CADM1: variants seen among roughly 807,000 people sequenced by gnomAD.
The protein encoded by CADM1 is cell adhesion molecule 1.
Under a neutral mutation model 53.1 loss-of-function variants are expected in CADM1, and 15 were observed. The observed-to-expected ratio is 0.28, with a 90% CI of 0.19 to 0.44. The LOEUF (loss-of-function observed/expected upper bound fraction) is 0.44. Among genes scored for constraint, CADM1 ranks in the 20% least tolerant of loss-of-function variants. CADM1 has a pLI of 1.00. For missense variants in CADM1, 434 were observed against 611.3 expected (o/e 0.71, Z 3.06); for synonymous variants, 281 against 243.0 (o/e 1.16, Z -1.45).
At chr11:115,365,188 A>G (rs1946126559) in intron 1 of CADM1, among the ~76,000 whole-genome samples, 1 of 152,222 alleles carries the variant, frequency 6.6e-6, no homozygotes, top group African/African-American at 2.4e-5. Context: ...CTCCAACTGT[A>G]TGAATTAAAT....
chr11:115,479,599 C>G (rs899095666), intron 1 of CADM1, among the ~76,000 whole-genome samples: 1 of 152,092 alleles, frequency 6.6e-6, no homozygotes. Flanking sequence ...AAACAAAATA[C>G]TTGCTGAGAA....
chr11:115,214,899 A>G (rs1941113162), intron 6 of CADM1, 119 bp from the exon 7 acceptor site: 4 of 1,072,464 alleles, frequency 3.7e-6, no homozygotes, highest in African/African-American at 1.6e-5. Flanking sequence ...TTAAGTTCAC[A>G]GAATTACAAC....
At chr11:115,465,168 C>T (rs772366685) in intron 1 of CADM1, among the ~76,000 whole-genome samples, 1 of 152,114 alleles carries the variant, frequency 6.6e-6, no homozygotes, top group Non-Finnish European at 1.5e-5. Flanking sequence ...ATAATTAGAG[C>T]CGTTGATCTC....
At chr11:115,353,877 T>C (rs1468266124) in intron 1 of CADM1, among the ~76,000 whole-genome samples, 1 of 152,126 alleles carries the variant, frequency 6.6e-6, no homozygotes, top group Non-Finnish European at 1.5e-5. Flanking sequence ...ACTAGGAGTA[T>C]TCAATTTGTA....
chr11:115,419,835 G>A (rs1947709127), intron 1 of CADM1, among the ~76,000 whole-genome samples: 1 of 152,144 alleles, frequency 6.6e-6, no homozygotes, highest in Admixed American at 6.6e-5. Context: ...CCTTTCTACA[G>A]AAATTAATCA....
chr11:115,463,931 AAATT>A (rs1948845225), intron 1 of CADM1, among the ~76,000 whole-genome samples: 1 of 152,042 alleles, frequency 6.6e-6, no homozygotes, highest in South Asian at 2.1e-4. Context: ...TGCCAGGTGC[AAATT>A]AATTTTTCTC....
chr11:115,354,381 C>T (rs768315231), intron 1 of CADM1, among the ~76,000 whole-genome samples: 3 of 152,140 alleles, frequency 2.0e-5, no homozygotes, highest in African/African-American at 7.2e-5. Flanking sequence ...AGCCTAGATC[C>T]GTCTGCAACA....
intron 1 of CADM1, among the ~76,000 whole-genome samples, chr11:115,462,316 A>C (rs1190368726): frequency 6.6e-6 from 1 of 152,220 alleles, no homozygotes; most frequent in Non-Finnish European, 1.5e-5. Context: ...GCAGCCCAGG[A>C]AGAGGCGAGA....
At chr11:115,228,170 G>A (rs549585704) in intron 5 of CADM1, among the ~76,000 whole-genome samples, 28 of 152,290 alleles carry the variant, frequency 1.8e-4, no homozygotes, top group African/African-American at 6.7e-4. Flanking sequence ...ATCAATGAAC[G>A]ATCCATCCCT....
chr11:115,250,120 G>C (rs947359892), intron 1 of CADM1, among the ~76,000 whole-genome samples: 14 of 152,102 alleles, frequency 9.2e-5, no homozygotes, highest in African/African-American at 3.4e-4. Context: ...AGCCAGGATG[G>C]TCTCGATCTC....
intron 1 of CADM1, among the ~76,000 whole-genome samples, chr11:115,406,106 A>G (rs1201521364): frequency 6.6e-6 from 1 of 152,120 alleles, no homozygotes; most frequent in Non-Finnish European, 1.5e-5. Context: ...TCTCATGGGG[A>G]TATTTCTTTT....
At chr11:115,365,425 T>A (rs1946131894) in intron 1 of CADM1, among the ~76,000 whole-genome samples, 1 of 152,132 alleles carries the variant, frequency 6.6e-6, no homozygotes, top group Non-Finnish European at 1.5e-5. Context: ...ATCTTTAAAT[T>A]ACCATGCCAA....
intron 1 of CADM1, among the ~76,000 whole-genome samples, chr11:115,442,946 C>G (rs1591245241): frequency 6.6e-6 from 1 of 152,180 alleles, no homozygotes; most frequent in South Asian, 2.1e-4. Context: ...ATTCTAATGG[C>G]AACAGTACCA....
chr11:115,264,811 A>G (rs1439166790), intron 1 of CADM1, among the ~76,000 whole-genome samples: 2 of 152,222 alleles, frequency 1.3e-5, no homozygotes, highest in East Asian at 1.9e-4. Flanking sequence ...AACAGCAGCT[A>G]TCATATGACA....
chr11:115,500,209 T>G (rs1219510468), intron 1 of CADM1, among the ~76,000 whole-genome samples: 1 of 152,242 alleles, frequency 6.6e-6, no homozygotes, highest in African/African-American at 2.4e-5. Context: ...TTTCTTCATC[T>G]GCTGGTAAAT....
chr11:115,281,792 T>A (rs1943592068), intron 1 of CADM1, among the ~76,000 whole-genome samples: 1 of 152,114 alleles, frequency 6.6e-6, no homozygotes, highest in Non-Finnish European at 1.5e-5. Flanking sequence ...ATAAAAAGAA[T>A]GTACTTTTCA....
At chr11:115,250,550 A>G (rs903266357) in intron 1 of CADM1, among the ~76,000 whole-genome samples, 1 of 152,220 alleles carries the variant, frequency 6.6e-6, no homozygotes, top group African/African-American at 2.4e-5. Context: ...ACATGTATAG[A>G]GGCAAGAAAA....
chr11:115,373,330 A>C (rs1946354799), intron 1 of CADM1, among the ~76,000 whole-genome samples: 1 of 152,146 alleles, frequency 6.6e-6, no homozygotes, highest in African/African-American at 2.4e-5. Flanking sequence ...CATGCCTGTA[A>C]TCCCAGCACT....
At chr11:115,185,071 T>C (rs1939481294) in intron 10 of CADM1, among the ~76,000 whole-genome samples, 1 of 152,196 alleles carries the variant, frequency 6.6e-6, no homozygotes, top group African/African-American at 2.4e-5. Flanking sequence ...CTGAGTACAA[T>C]TACGTACTTC....
Sources: allele counts gnomAD v4.1 joint callset (sites outside exome capture counted in the v4.1 genomes callset), GRCh38; gene constraint gnomAD v4.1.1; transcripts MANE v1.5; gene names NCBI Gene and HGNC (gene_info 2026-07-23, HGNC 2026-07-21).